RORB: variants seen among roughly 807,000 people sequenced by gnomAD.
RORB encodes the protein nuclear receptor ROR-beta.
RORB carries 6 observed loss-of-function variants against 59.1 expected under a neutral mutation model. The ratio of observed to expected loss-of-function variants is 0.10; its 90% CI spans 0.06 to 0.20. The LOEUF (loss-of-function observed/expected upper bound fraction) is 0.20, where lower values mean the gene tolerates loss of function less well. RORB is among the 10% of genes least tolerant of loss of function. The pLI is 1.00. For synonymous variants in RORB, 215 were observed against 204.5 expected (o/e 1.05, Z -0.44); for missense variants, 320 against 560.5 (o/e 0.57, Z 4.33).
At chr9:74,621,163 C>T (rs1823410916) in intron 1 of RORB, among the ~76,000 whole-genome samples, 1 of 152,112 alleles carries the variant, frequency 6.6e-6, no homozygotes, top group Non-Finnish European at 1.5e-5. Flanking sequence ...TTGTACTATT[C>T]TATAGGTTTT....
At chr9:74,498,185 G>A in intron 1 of RORB, 2 of 635,300 alleles carry the variant, frequency 3.1e-6, no homozygotes, top group South Asian at 1.9e-5. Flanking sequence ...CGGGAGTTCT[G>A]GAGGGACGCG....
At chr9:74,587,024 T>G (rs139684741) in intron 1 of RORB, among the ~76,000 whole-genome samples, 1 of 152,242 alleles carries the variant, frequency 6.6e-6, no homozygotes, top group Admixed American at 6.5e-5. Flanking sequence ...CAGATCAGAT[T>G]GTTTAACTTT....
At chr9:74,531,492 C>A (rs1826237330) in intron 1 of RORB, among the ~76,000 whole-genome samples, 1 of 151,850 alleles carries the variant, frequency 6.6e-6, no homozygotes, top group African/African-American at 2.4e-5. Flanking sequence ...TCAGAAATAC[C>A]AAGCTTGGGG....
intron 1 of RORB, among the ~76,000 whole-genome samples, chr9:74,559,892 A>C (rs1441515146): frequency 6.6e-6 from 1 of 152,182 alleles, no homozygotes; most frequent in Non-Finnish European, 1.5e-5. Context: ...GACTCTCAGG[A>C]TATTTCAAGC....
chr9:74,604,340 T>C (rs1823116823), intron 1 of RORB, among the ~76,000 whole-genome samples: 2 of 152,196 alleles, frequency 1.3e-5, no homozygotes, highest in African/African-American at 4.8e-5. Flanking sequence ...TTCTAAAACA[T>C]ACCTAAGGCA....
intron 1 of RORB, among the ~76,000 whole-genome samples, chr9:74,549,744 T>C (rs1196100290): frequency 6.6e-6 from 1 of 152,046 alleles, no homozygotes; most frequent in Non-Finnish European, 1.5e-5. Context: ...GTGTGTGTGT[T>C]TGAGACGGAA....
intron 1 of RORB, among the ~76,000 whole-genome samples, chr9:74,593,835 G>A (rs1025172748): frequency 5.9e-5 from 9 of 152,160 alleles, no homozygotes; most frequent in African/African-American, 2.2e-4. Flanking sequence ...TGGCCATCTG[G>A]TGCCATTTTT....
At chr9:74,532,561 T>A (rs989217409) in intron 1 of RORB, among the ~76,000 whole-genome samples, 11 of 151,868 alleles carry the variant, frequency 7.2e-5, no homozygotes, top group Admixed American at 6.6e-5. Flanking sequence ...AATATTGAGC[T>A]TTATGTTCAG....
chr9:74,684,644 C>T (rs1824606837), intron 9 of RORB, among the ~76,000 whole-genome samples: 1 of 152,172 alleles, frequency 6.6e-6, no homozygotes, highest in South Asian at 2.1e-4. Flanking sequence ...TTACATCTTA[C>T]ATGATACATA....
chr9:74,601,674 G>A (rs191012208), intron 1 of RORB, among the ~76,000 whole-genome samples: 201 of 152,190 alleles, frequency 1.3e-3, no homozygotes, highest in African/African-American at 4.6e-3. Flanking sequence ...ACTTCCTACC[G>A]TGGGACATTG....
At chr9:74,561,801 T>C (rs1378085553) in intron 1 of RORB, among the ~76,000 whole-genome samples, 1 of 152,244 alleles carries the variant, frequency 6.6e-6, no homozygotes, top group African/African-American at 2.4e-5. Context: ...GTCATTTTTC[T>C]CTTCCAGGAT....
At chr9:74,649,884 GT>G (rs745568916) in intron 4 of RORB, among the ~76,000 whole-genome samples, 3 of 152,112 alleles carry the variant, frequency 2.0e-5, no homozygotes, top group Non-Finnish European at 4.4e-5. Context: ...CTAAAGCACC[GT>G]TTTTATTTTG....
chr9:74,549,538 AGGGAG>A (rs1826560910), intron 1 of RORB, among the ~76,000 whole-genome samples: 1 of 23,160 alleles, frequency 4.3e-5, no homozygotes, highest in Non-Finnish European at 8.2e-5. Flanking sequence ...GGAGGGAGGG[AGGGAG>A]GGAGGGAAGG....
chr9:74,683,219 A>C (rs1824576534), intron 9 of RORB, among the ~76,000 whole-genome samples: 1 of 152,234 alleles, frequency 6.6e-6, no homozygotes, highest in African/African-American at 2.4e-5. Flanking sequence ...GCCACTCTGC[A>C]TTCAACAGCT....
At chr9:74,676,923 G>T (rs1332005206) in intron 9 of RORB, among the ~76,000 whole-genome samples, 1 of 152,206 alleles carries the variant, frequency 6.6e-6, no homozygotes, top group African/African-American at 2.4e-5. Flanking sequence ...AGAATATCCT[G>T]ACTTAGAAGA....
intron 1 of RORB, among the ~76,000 whole-genome samples, chr9:74,537,630 T>G (rs2118121319): frequency 6.6e-6 from 1 of 152,240 alleles, no homozygotes; most frequent in African/African-American, 2.4e-5. Context: ...TGTTGCTGAC[T>G]AGTTGCATGC....
chr9:74,602,679 A>G (rs1009206187), intron 1 of RORB, among the ~76,000 whole-genome samples: 1 of 152,238 alleles, frequency 6.6e-6, no homozygotes, highest in Admixed American at 6.5e-5. Context: ...TTCTCCCCCA[A>G]AAGAAATCCC....
At chr9:74,568,344 A>C (rs756780976) in intron 1 of RORB, among the ~76,000 whole-genome samples, 7 of 152,284 alleles carry the variant, frequency 4.6e-5, no homozygotes, top group Non-Finnish European at 8.8e-5. Context: ...GAGGTCACCT[A>C]AAATGATGAA....
In RORB at chr9:74,692,516, G is replaced by A. The variant is rs1350268147; in HGVS notation, c.*6898G>A. ...GATTCTAAGTCCCGTGAAACCGTGG[G>A]CTGCCTGGGGCTTGGCTGTGCCCAC... On this transcript the variant is annotated 3_prime_UTR_variant, in exon 10 of 10. Transcript: ENST00000376896. 1 of 152,160 alleles carries A rather than the reference G, an allele frequency of 6.6e-6. No individual in the cohort carries two copies. The highest frequency in any genetic ancestry group is 1.9e-4 in the East Asian group (1 of 5,186). 9.4% of individuals were successfully genotyped at this position (152,160 alleles called of 1,614,324 possible).
Sources: allele counts gnomAD v4.1 joint callset (sites outside exome capture counted in the v4.1 genomes callset), GRCh38; gene constraint gnomAD v4.1.1; transcripts MANE v1.5; gene names NCBI Gene and HGNC (gene_info 2026-07-23, HGNC 2026-07-21).